The following CHD4 variants were observed in gnomAD, a reference collection of about 807,000 sequenced individuals.
The protein encoded by CHD4 is chromodomain helicase DNA binding protein 4.
A neutral mutation model predicts 235.5 loss-of-function variants in CHD4; 35 were observed. The ratio of observed to expected loss-of-function variants is 0.15; its 90% CI spans 0.11 to 0.20. The LOEUF (loss-of-function observed/expected upper bound fraction) is 0.20. Among genes scored for constraint, CHD4 ranks in the 10% least tolerant of loss-of-function variants. The pLI is 1.00. For synonymous variants in CHD4, 900 were observed against 850.2 expected (o/e 1.06, Z -1.02); for missense variants, 1,329 against 2,432.3 (o/e 0.55, Z 9.54).
rs1366092353 is a variant in CHD4, at chr12:6,598,246, G to A, written c.1662C>T (p.His554=). ...FVKWQGMSYW[H]CSWVSELQLE... ...CCTGCAGTTCAGAAACCCAGGAGCA[G>A]TGCCAGTAAGACATGCCTTGCCATT... The change falls in exon 11 of 40, where the codon CAC becomes CAT. Residue 554 remains histidine, a synonymous_variant. Transcript: ENST00000544040. The A allele has an allele frequency of 1.9e-6, 3 of 1,613,450 alleles. No homozygotes were observed. The highest frequency in any genetic ancestry group is 1.1e-5 in the South Asian group (1 of 91,036).
chr12:6,570,581 G>A lies in CHD4; in HGVS notation c.*95C>T, dbSNP rs1947946844. On this transcript the variant is annotated 3_prime_UTR_variant, in exon 40 of 40. Coordinates refer to ENST00000544040, the MANE Select transcript of CHD4 (RefSeq NM_001273.5). ...CAACATGGAAGATGGGCAGAAGGAAGGTGAGGGTCTCTCAGGCCCCCAGGG... is the reference window on the plus strand; with the variant it reads ...CAACATGGAAGATGGGCAGAAGGAAAGTGAGGGTCTCTCAGGCCCCCAGGG... The A allele has an allele frequency of 2.0e-6, 3 of 1,475,774 alleles. No homozygotes were observed. Among genetic ancestry groups the A allele is most frequent in the Non-Finnish European group, 1.9e-6 (2 of 1,057,360 alleles). The allele number at this position is 1,475,774 out of a possible 1,614,324, so 91.4% of individuals were successfully genotyped here.
Position 6,595,997 on chromosome 12 carries a change from A to G in CHD4, c.2024+9T>C. 1.2e-6 allele frequency: 2 copies of G among 1,604,198 alleles called. No individual in the cohort carries two copies. Among genetic ancestry groups the G allele is most frequent in the African/African-American group, 1.3e-5 (1 of 74,214 alleles). On this transcript the variant is annotated intron_variant, in intron 13 of 39. Transcript: ENST00000544040. Reference sequence around the variant, plus strand: ...GAAACAACTCTATGCCTCACCCAAAATCACTCACCTGTGATTCCAATAGCT... The same window carrying G: ...GAAACAACTCTATGCCTCACCCAAAGTCACTCACCTGTGATTCCAATAGCT...
chr12:6,593,001 C>T lies in CHD4; in HGVS notation c.2652+90G>A. On this transcript the variant is annotated intron_variant, in intron 17 of 39. Transcript: ENST00000544040. The surrounding 1 kb of genome is among the most constrained non-coding windows in gnomAD (Gnocchi z 4.9). ...AAGGCAGAGACAATTTTCCCCTCTC[C>T]TCTCCATCTACAAGTTTTCCCCTTA... is the stretch of plus-strand genomic sequence containing the variant. 1 of 1,560,006 alleles carries T rather than the reference C, an allele frequency of 6.4e-7. No homozygotes were observed. The highest frequency in any genetic ancestry group is 1.2e-5 in the South Asian group (1 of 86,448).
Position 6,596,140 on chromosome 12 carries a change from GCA to G in CHD4, c.1893-5_1893-4del. On this transcript the variant is annotated splice_polypyrimidine_tract_variant and splice_region_variant and intron_variant, in intron 12 of 39. Transcript: ENST00000544040. ...GGACGTGGCCCTTCTTGTCCACACT[GCA>G]AGTCCAGGAGAGAAAACCCTCAGAG... 6.2e-7 allele frequency: 1 copy of G among 1,612,596 alleles called. No homozygotes were observed. Among genetic ancestry groups the G allele is most frequent in the Non-Finnish European group, 8.5e-7 (1 of 1,179,492 alleles).
At chr12:6,585,382 A>T (rs1368398531) in intron 25 of CHD4, among the ~76,000 whole-genome samples, 1 of 151,688 alleles carries the variant, frequency 6.6e-6, no homozygotes, top group Non-Finnish European at 1.5e-5. Context: ...CCTCCCAGGT[A>T]CAAGTGATTC....
Position 6,593,698 on chromosome 12 carries a change from C to T in CHD4, c.2314-82G>A, listed in dbSNP as rs919419104. ...CGAACACCCACCACCCTGCTGCCCC[C>T]TCAAGCTGAGCCAAGGACTGACACA... On this transcript the variant is annotated intron_variant, in intron 15 of 39. Coordinates refer to ENST00000544040, the MANE Select transcript of CHD4 (RefSeq NM_001273.5). The surrounding 1 kb of genome is among the most constrained non-coding windows in gnomAD (Gnocchi z 4.9). 2 of 1,313,216 alleles carry T rather than the reference C, an allele frequency of 1.5e-6. No homozygotes were observed. Among genetic ancestry groups the T allele is most frequent in the Non-Finnish European group, 1.1e-6 (1 of 933,296 alleles). The allele number at this position is 1,313,216 out of a possible 1,614,324, so 81.3% of individuals were successfully genotyped here.
At chr12:6,580,952 A>G in intron 33 of CHD4, 92 bp downstream of exon 33, 3 of 1,452,510 alleles carry the variant, frequency 2.1e-6, no homozygotes, top group Non-Finnish European at 2.8e-6. Flanking sequence ...GGTTGCAGTA[A>G]GCCAAGATCG....
In CHD4 at chr12:6,591,600, G is replaced by A. The variant is rs777060458; in HGVS notation, c.3223-17C>T. ...CTTGGTCATCTGCAAAAGAAGCACGGTTTAATTATGGAAGAGTCAGATGGT... is the reference window on the plus strand; with the variant it reads ...CTTGGTCATCTGCAAAAGAAGCACGATTTAATTATGGAAGAGTCAGATGGT... On this transcript the variant is annotated splice_polypyrimidine_tract_variant and intron_variant, in intron 21 of 39. Coordinates refer to ENST00000544040, the MANE Select transcript of CHD4 (RefSeq NM_001273.5). 19 of 1,613,706 alleles carry A rather than the reference G, an allele frequency of 1.2e-5. No homozygotes were observed. The highest frequency in any genetic ancestry group is 1.4e-5 in the Non-Finnish European group (17 of 1,179,734).
chr12:6,581,474 A>G lies in CHD4; in HGVS notation c.4682-86T>C, dbSNP rs766420024. 3.3e-6 allele frequency: 5 copies of G among 1,535,464 alleles called. No individual in the cohort carries two copies. The African/African-American group carries it at 6.8e-5, about 21-fold the overall frequency. On this transcript the variant is annotated intron_variant, in intron 31 of 39. Coordinates refer to ENST00000544040, the MANE Select transcript of CHD4 (RefSeq NM_001273.5). Reference sequence around the variant, plus strand: ...TTCTTCCCAGTTTGTCTCATCTTAAATTGTCCTCTCGTGCCTTTAAGAGCC... The same window carrying G: ...TTCTTCCCAGTTTGTCTCATCTTAAGTTGTCCTCTCGTGCCTTTAAGAGCC...
rs1244066270 is a variant in CHD4 at position 6,577,440 on chromosome 12, C to A, written c.5361+345G>T. Reference sequence around the variant, plus strand: ...CTCAAAAAAAAAAAAAAAAAAAAAACAACCAGCAGCCCACTGACTAATAGC... The same window carrying A: ...CTCAAAAAAAAAAAAAAAAAAAAAAAAACCAGCAGCCCACTGACTAATAGC... On this transcript the variant is annotated intron_variant, in intron 37 of 39. Transcript: ENST00000544040. 1.1e-3 allele frequency among the ~76,000 whole-genome samples: 128 copies of A among 119,338 alleles called. 3 individuals are homozygous for A. Among genetic ancestry groups the A allele is most frequent in the South Asian group, 5.0e-3 (18 of 3,614 alleles). The allele number at this position is 119,338 out of a possible 152,430, so 78.3% of individuals were successfully genotyped here. A position where few individuals can be genotyped will look rare whatever the true frequency, so the allele number is the denominator to read the frequency against.
chr12:6,589,659 C>T (rs1228852223), intron 22 of CHD4, among the ~76,000 whole-genome samples: 5 of 150,962 alleles, frequency 3.3e-5, no homozygotes, highest in Admixed American at 6.6e-5. Flanking sequence ...CCCAGCTACT[C>T]GGGAGGCTGA....
rs370822253 is a variant in CHD4, at chr12:6,602,412, G to C, written c.186C>G (p.Asp62Glu). 126 of 1,613,934 alleles carry C rather than the reference G, an allele frequency of 7.8e-5. No homozygotes were observed. The highest frequency in any genetic ancestry group is 1.0e-4 in the Non-Finnish European group (123 of 1,180,028). Residue 62 changes from aspartate (D) to glutamate (E), a missense_variant, in exon 3 of 40, where the codon GAC becomes GAG. Physicochemically the swap from Asp to Glu is conservative, Grantham distance 45. This residue lies in a region of CHD4 where 213 missense variants were observed against 177.5 expected (regional missense o/e 1.20). Transcript: ENST00000544040. ...KKKKKPKKPRDPKIPKSKRQK... is the reference protein window; with the variant it reads ...KKKKKPKKPREPKIPKSKRQK... ...GGCGCTTGCTCTTAGGGATTTTAGG[G>C]TCCCGAGGTTTCTTAGGCTTTTTCT... is the stretch of plus-strand genomic sequence containing the variant.
In CHD4 at chr12:6,577,921, T is replaced by C; in HGVS notation, c.5229-4A>G. On this transcript the variant is annotated splice_region_variant and splice_polypyrimidine_tract_variant and intron_variant, in intron 36 of 39. Coordinates refer to ENST00000544040, the MANE Select transcript of CHD4 (RefSeq NM_001273.5). ...TTGCCACCGGGCATAGCCATGGCTATTGGAAAAGTGCTCAGGAAAAACAAA... is the reference window on the plus strand; with the variant it reads ...TTGCCACCGGGCATAGCCATGGCTACTGGAAAAGTGCTCAGGAAAAACAAA... 6.2e-7 allele frequency: 1 copy of C among 1,613,954 alleles called. No individual in the cohort carries two copies. Among genetic ancestry groups the C allele is most frequent in the Non-Finnish European group, 8.5e-7 (1 of 1,180,030 alleles).
intron 12 of CHD4, 113 bp from the exon 13 acceptor site, chr12:6,596,250 A>T: frequency 2.2e-6 from 3 of 1,351,182 alleles, no homozygotes; most frequent in East Asian, 2.4e-5. Context: ...TATGCCACAG[A>T]TCACACGTTT....
intron 25 of CHD4, chr12:6,584,696 T>C (rs1948250964): frequency 6.6e-6 from 1 of 152,224 alleles, no homozygotes. Flanking sequence ...TTTGTGTATT[T>C]TGAACTATGT....
At chr12:6,573,765 T>G (rs986596997) in intron 37 of CHD4, among the ~76,000 whole-genome samples, 1 of 152,186 alleles carries the variant, frequency 6.6e-6, no homozygotes, top group Non-Finnish European at 1.5e-5. Context: ...GGCTCACACC[T>G]GTAATCCCAG....
intron 13 of CHD4, 90 bp from the exon 14 acceptor site, chr12:6,595,520 C>G (rs1948473835): frequency 2.6e-6 from 3 of 1,149,210 alleles, no homozygotes; most frequent in Admixed American, 1.9e-5. Flanking sequence ...ACCTGTAATC[C>G]CAGCATTTTG....
rs1488126458 is a variant in CHD4, at chr12:6,587,167, G to A, written c.3879+217C>T. The A allele has an allele frequency of 2.0e-5, 11 of 560,738 alleles. No individual in the cohort carries two copies. The African/African-American group carries it at 2.1e-4, about 11-fold the overall frequency. The allele number at this position is 560,738 out of a possible 1,614,324, so 34.7% of individuals were successfully genotyped here. ...GGTAAAGAGCCAAAATAACTGTTGT[G>A]AGCATGATATTTGGTTGTAAGTTTT... is the stretch of plus-strand genomic sequence containing the variant. On this transcript the variant is annotated intron_variant, in intron 25 of 39. Coordinates refer to ENST00000544040, the MANE Select transcript of CHD4 (RefSeq NM_001273.5).
chr12:6,588,291 T>A lies in CHD4; in HGVS notation c.3465+7A>T, dbSNP rs778322807. ...ACTTATTAAGGCTGCCTGCTGCCTC[T>A]GCTCACCTGAATGTCATTATGGGGG... On this transcript the variant is annotated splice_region_variant and intron_variant, in intron 23 of 39. Transcript: ENST00000544040. 3.1e-6 allele frequency: 5 copies of A among 1,613,352 alleles called. No individual in the cohort carries two copies. The highest frequency in any genetic ancestry group is 4.2e-6 in the Non-Finnish European group (5 of 1,179,424).
Sources: allele counts gnomAD v4.1 joint callset (sites outside exome capture counted in the v4.1 genomes callset), GRCh38; gene constraint gnomAD v4.1.1; regional missense constraint gnomAD v4.1.1; non-coding constraint Gnocchi (gnomAD v3.1); transcripts MANE v1.5; gene names NCBI Gene and HGNC (gene_info 2026-07-23, HGNC 2026-07-21).